SLCO2B1: variants seen among roughly 807,000 people sequenced by gnomAD.
The protein encoded by SLCO2B1 is solute carrier organic anion transporter family member 2B1.
In SLCO2B1, 41 loss-of-function variants were observed where a neutral mutation model predicts 67.3. The ratio of observed to expected loss-of-function variants is 0.61; its 90% CI spans 0.47 to 0.79. SLCO2B1 has a LOEUF of 0.79. Ranked by LOEUF, SLCO2B1 falls within the 30% of genes least tolerant of loss-of-function variation. The pLI, the probability that SLCO2B1 is intolerant of heterozygous loss-of-function variation, is 0.00. For synonymous variants in SLCO2B1, 379 were observed against 381.4 expected, an observed-to-expected ratio of 0.99 and a Z score of 0.07; for missense variants, 837 against 920.1, an observed-to-expected ratio of 0.91 and a Z score of 1.17.
chr11:75,186,699 C>T (rs1054726067), intron 7 of SLCO2B1, among the ~76,000 whole-genome samples: 1 of 152,120 alleles, frequency 6.6e-6, no homozygotes, highest in Non-Finnish European at 1.5e-5. Flanking sequence ...TAATTCTGAC[C>T]TCAGCCTACA....
chr11:75,165,659 C>A, intron 3 of SLCO2B1, 128 bp from the exon 4 acceptor site: 1 of 1,101,250 alleles, frequency 9.1e-7, no homozygotes, highest in Non-Finnish European at 1.3e-6. Flanking sequence ...AGGAGAGGGA[C>A]CCAGATGATT....
intron 1 of SLCO2B1, among the ~76,000 whole-genome samples, chr11:75,153,922 T>C (rs1419520519): frequency 7.1e-6 from 1 of 140,526 alleles, no homozygotes; most frequent in African/African-American, 2.7e-5. Context: ...ATGTGTACAG[T>C]ACTTTTTTTT....
chr11:75,182,022 C>A (rs1950097466), intron 7 of SLCO2B1, among the ~76,000 whole-genome samples: 1 of 152,248 alleles, frequency 6.6e-6, no homozygotes, highest in African/African-American at 2.4e-5. Context: ...CCACCCGAGT[C>A]TGGCTGTGGC....
intron 6 of SLCO2B1, among the ~76,000 whole-genome samples, chr11:75,170,155 A>C (rs1312252457): frequency 6.6e-6 from 1 of 152,128 alleles, no homozygotes; most frequent in Non-Finnish European, 1.5e-5. Flanking sequence ...CCCTGTTTTT[A>C]GGGGGAAACA....
At chr11:75,159,603 CAG>C (rs1297563589) in intron 1 of SLCO2B1, among the ~76,000 whole-genome samples, 2 of 152,210 alleles carry the variant, frequency 1.3e-5, no homozygotes, top group African/African-American at 2.4e-5. Flanking sequence ...AGCGCGTCAG[CAG>C]AGACCCCAGC....
rs777515970 is a variant in SLCO2B1 at position 75,203,328 on chromosome 11, T to A, written c.1850T>A (p.Ile617Asn). ...RILAWMPSPV[I>N]HGSAIDTTCV... ...TCAGCCTGGATGCCCAGCCCCGTGA[T>A]CCACGGCAGCGCCATCGACACCACC... Residue 617 changes from isoleucine (I) to asparagine (N), a missense_variant, in exon 13 of 14, where the codon ATC becomes AAC. Physicochemically the swap from Ile to Asn is moderately radical, Grantham distance 149. Coordinates refer to ENST00000289575, the MANE Select transcript of SLCO2B1 (RefSeq NM_007256.5). 1 of 1,613,968 alleles carries A rather than the reference T, an allele frequency of 6.2e-7. No homozygotes were observed. Among genetic ancestry groups the A allele is most frequent in the Non-Finnish European group, 8.5e-7 (1 of 1,179,984 alleles).
At chr11:75,182,834 C>CCCAA (rs2140327075) in intron 7 of SLCO2B1, among the ~76,000 whole-genome samples, 1 of 152,234 alleles carries the variant, frequency 6.6e-6, no homozygotes, top group South Asian at 2.1e-4. Context: ...GAACAAGGAA[C>CCCAA]CCAAGCAAGG....
At chr11:75,161,874 C>A (rs1209887493) in intron 1 of SLCO2B1, among the ~76,000 whole-genome samples, 1 of 152,062 alleles carries the variant, frequency 6.6e-6, no homozygotes, top group East Asian at 1.9e-4. Flanking sequence ...CCTCTCATTG[C>A]AGTGAGTGAG....
At chr11:75,168,519 C>A (rs907188040) in intron 4 of SLCO2B1, among the ~76,000 whole-genome samples, 4 of 152,168 alleles carry the variant, frequency 2.6e-5, no homozygotes, top group African/African-American at 7.2e-5. Context: ...ATGTCAGGTA[C>A]TAAATTAAGA....
chr11:75,169,417 G>T lies in SLCO2B1; in HGVS notation c.682+11G>T. 6.4e-7 allele frequency: 1 copy of T among 1,571,946 alleles called. No homozygotes were observed. ...CGCCCCTCTACCTCGGTGAGGACCA[G>T]TGCCATCCCTTGGCCTCTGAGGGTC... On this transcript the variant is annotated intron_variant, in intron 5 of 13. Transcript: ENST00000289575.
At chr11:75,159,909 G>T in intron 1 of SLCO2B1, 1 of 974,336 alleles carries the variant, frequency 1.0e-6, no homozygotes, top group Non-Finnish European at 1.2e-6. Flanking sequence ...AGGCAGGTGA[G>T]CAGGCTCCAT....
At chr11:75,155,745 A>G (rs928659031) in intron 1 of SLCO2B1, among the ~76,000 whole-genome samples, 2 of 152,316 alleles carry the variant, frequency 1.3e-5, no homozygotes, top group Non-Finnish European at 1.5e-5. Flanking sequence ...GGTGTGAGCC[A>G]CCACGAGGCC....
At chr11:75,199,280 G>A (rs1326257247) in intron 10 of SLCO2B1, among the ~76,000 whole-genome samples, 1 of 152,094 alleles carries the variant, frequency 6.6e-6, no homozygotes, top group Non-Finnish European at 1.5e-5. Context: ...GAGAGTGCCT[G>A]GTCACCCAAC....
In SLCO2B1 at chr11:75,184,958, G is replaced by T. The variant is rs193233110; in HGVS notation, c.973-3178G>T. Among the ~76,000 whole-genome samples the T allele has an allele frequency of 1.6e-4, 25 of 152,212 alleles. No individual in the cohort carries two copies. In the South Asian group the frequency reaches 2.7e-3, roughly 16 times the overall value. On this transcript the variant is annotated intron_variant, in intron 7 of 13. Transcript: ENST00000289575. ...ATCTTGCAATCCATTACTGTTTTCT[G>T]CCATGCCACAAACATCCCCTGAGGA...
In SLCO2B1 at chr11:75,165,915, C is replaced by A; in HGVS notation, c.414C>A (p.Ile138=). 1 of 1,614,166 alleles carries A rather than the reference C, an allele frequency of 6.2e-7. No homozygotes were observed. Among genetic ancestry groups the A allele is most frequent in the Admixed American group, 1.7e-5 (1 of 60,022 alleles). The change falls in exon 4 of 14, where the codon ATC becomes ATA. Residue 138 remains isoleucine (I), a synonymous_variant. Transcript: ENST00000289575. ...AGLLMTLPHF[I]SEPYRYDNTS... is the part of the protein sequence containing the mutation. ...TGCTCATGACTCTCCCGCACTTCAT[C>A]TCGGAGCCATACCGCTACGACAACA...
intron 7 of SLCO2B1, among the ~76,000 whole-genome samples, chr11:75,178,480 T>C (rs1172009825): frequency 6.6e-6 from 1 of 152,256 alleles, no homozygotes; most frequent in African/African-American, 2.4e-5. Context: ...ACATGTTTTT[T>C]AACTTTTTTA....
At chr11:75,172,352 T>C (rs781097168) in intron 6 of SLCO2B1, 27 bp from the exon 7 acceptor site, 1 of 1,596,896 alleles carries the variant, frequency 6.3e-7, no homozygotes, top group East Asian at 2.2e-5. Context: ...ATCCTGACCC[T>C]AATGTCACCA....
intron 4 of SLCO2B1, among the ~76,000 whole-genome samples, chr11:75,167,113 G>T (rs897986593): frequency 6.6e-6 from 1 of 152,198 alleles, no homozygotes; most frequent in Non-Finnish European, 1.5e-5. Flanking sequence ...TTGGCAGCTG[G>T]AGGGAGCTGG....
intron 4 of SLCO2B1, among the ~76,000 whole-genome samples, chr11:75,166,911 C>G (rs1321950490): frequency 6.6e-6 from 1 of 152,214 alleles, no homozygotes; most frequent in Admixed American, 6.5e-5. Flanking sequence ...CTCCTCCCAC[C>G]AGCTCACACC....
Sources: allele counts gnomAD v4.1 joint callset (sites outside exome capture counted in the v4.1 genomes callset), GRCh38; gene constraint gnomAD v4.1.1; transcripts MANE v1.5; gene names NCBI Gene and HGNC (gene_info 2026-07-23, HGNC 2026-07-21).